The following NEDD4 variants were observed in gnomAD, a reference collection of about 807,000 sequenced individuals.
NEDD4 encodes NEDD4 E3 ubiquitin protein ligase, also known as E3 ubiquitin-protein ligase NEDD4.
NEDD4 carries 99 observed loss-of-function variants against 144.9 expected under a neutral mutation model. The ratio of observed to expected loss-of-function variants is 0.68; its 90% CI spans 0.58 to 0.81. The LOEUF is 0.81. NEDD4 is among the 30% of genes least tolerant of loss of function. NEDD4 has a pLI of 0.00. For synonymous variants in NEDD4, 318 were observed against 350.6 expected (o/e 0.91, Z 1.04); for missense variants, 985 against 1,065.9 (o/e 0.92, Z 1.06).
chr15:55,867,062 T>C (rs1261861976), intron 8 of NEDD4, among the ~76,000 whole-genome samples: 1 of 152,192 alleles, frequency 6.6e-6, no homozygotes, highest in East Asian at 1.9e-4. Flanking sequence ...AACCCTAAAG[T>C]TGCAAATGGT....
At chr15:55,894,214 C>T (rs762306764) in intron 5 of NEDD4, among the ~76,000 whole-genome samples, 1 of 151,820 alleles carries the variant, frequency 6.6e-6, no homozygotes, top group South Asian at 2.1e-4. Context: ...TTCAATCAAT[C>T]CGGGATCAAA....
At chr15:55,922,018 A>G (rs1391724326) in intron 5 of NEDD4, among the ~76,000 whole-genome samples, 4 of 152,242 alleles carry the variant, frequency 2.6e-5, no homozygotes, top group African/African-American at 9.6e-5. Context: ...CAAAATTCAC[A>G]TCGGTATCAG....
At chr15:55,916,182 G>C in intron 5 of NEDD4, 1 of 1,613,848 alleles carries the variant, frequency 6.2e-7, no homozygotes, top group Non-Finnish European at 8.5e-7. Context: ...ATTCCTGTTT[G>C]GCACACTTCT....
chr15:55,891,310 T>G (rs1207001437), intron 5 of NEDD4, among the ~76,000 whole-genome samples: 2 of 152,184 alleles, frequency 1.3e-5, no homozygotes, highest in African/African-American at 4.8e-5. Context: ...CAGAAGAAGA[T>G]GGAGAATCTG....
chr15:55,940,555 C>CTCTCTCT (rs2036982662), intron 4 of NEDD4, among the ~76,000 whole-genome samples: 9 of 121,028 alleles, frequency 7.4e-5, no homozygotes, highest in African/African-American at 2.4e-4. Context: ...TGCCTCTCTG[C>CTCTCTCT]CTCTCTCTGT....
intron 2 of NEDD4, among the ~76,000 whole-genome samples, chr15:55,954,487 A>C (rs919282701): frequency 2.0e-5 from 3 of 152,146 alleles, no homozygotes; most frequent in Non-Finnish European, 4.4e-5. Flanking sequence ...AGCTAAACAA[A>C]TACACTTGAA....
chr15:55,875,731 G>A (rs988552271), intron 5 of NEDD4, among the ~76,000 whole-genome samples: 2 of 152,024 alleles, frequency 1.3e-5, no homozygotes, highest in Admixed American at 1.3e-4. Flanking sequence ...AAGATATAGA[G>A]ACAGAATTTA....
At position 55,872,526 on chromosome 15, in the gene NEDD4, T is replaced by A. The variant is rs748059797; in HGVS notation, c.343-50A>T. 9.5e-6 allele frequency: 8 copies of A among 838,844 alleles called. No homozygotes were observed. The African/African-American group carries it at 1.3e-4, about 13-fold the overall frequency. The allele number at this position is 838,844 out of a possible 1,614,324, so 52.0% of individuals were successfully genotyped here. On this transcript the variant is annotated intron_variant, in intron 6 of 28. Coordinates refer to ENST00000435532, the MANE Select transcript of NEDD4 (RefSeq NM_006154.4). Reference sequence around the variant, plus strand: ...AAATATATCTATAACACCAAAAGCATGTACTTTTCAAGAATACTCATGAAC... The same window carrying A: ...AAATATATCTATAACACCAAAAGCAAGTACTTTTCAAGAATACTCATGAAC...
intron 1 of NEDD4, 87 bp downstream of exon 1, chr15:55,993,424 G>T (rs1455903598): frequency 6.6e-6 from 10 of 1,507,236 alleles, no homozygotes; most frequent in Admixed American, 5.6e-5. Context: ...CAGAGCCTCC[G>T]GTCGTGGCCG....
chr15:55,990,800 A>G (rs192604775), intron 1 of NEDD4, among the ~76,000 whole-genome samples: 8 of 152,304 alleles, frequency 5.3e-5, no homozygotes, highest in South Asian at 2.1e-4. Context: ...CTGCTCTCCA[A>G]TAAAGATCAG....
chr15:55,970,931 A>C (rs1456061107), intron 1 of NEDD4, among the ~76,000 whole-genome samples: 1 of 152,200 alleles, frequency 6.6e-6, no homozygotes, highest in Non-Finnish European at 1.5e-5. Flanking sequence ...TGATCTCACC[A>C]AACAAACTAA....
chr15:55,926,148 A>G (rs1181585431), intron 4 of NEDD4, among the ~76,000 whole-genome samples: 2 of 151,814 alleles, frequency 1.3e-5, no homozygotes, highest in Admixed American at 6.6e-5. Flanking sequence ...GATATTGAAT[A>G]CTCTGTTCTA....
intron 11 of NEDD4, among the ~76,000 whole-genome samples, chr15:55,858,494 G>T (rs1245278273): frequency 1.3e-5 from 2 of 152,086 alleles, no homozygotes; most frequent in Non-Finnish European, 2.9e-5. Context: ...TTTTAGTAGT[G>T]ACAAGGTTTC....
At chr15:55,949,782 C>T (rs1377466695) in intron 4 of NEDD4, among the ~76,000 whole-genome samples, 3 of 151,714 alleles carry the variant, frequency 2.0e-5, no homozygotes, top group Non-Finnish European at 2.9e-5. Context: ...AGGGGTACGT[C>T]ACACACTGGG....
At chr15:55,948,068 A>C (rs1471558925) in intron 4 of NEDD4, among the ~76,000 whole-genome samples, 3 of 152,248 alleles carry the variant, frequency 2.0e-5, no homozygotes, top group Non-Finnish European at 2.9e-5. Flanking sequence ...GTCTCAGCCC[A>C]AAATCTCCTT....
intron 5 of NEDD4, among the ~76,000 whole-genome samples, chr15:55,876,159 C>A (rs1172338545): frequency 1.3e-5 from 2 of 152,040 alleles, no homozygotes; most frequent in African/African-American, 4.8e-5. Flanking sequence ...CAAAAACTAT[C>A]CATAAAAAAG....
chr15:55,863,731 C>T (rs913569102), intron 8 of NEDD4, among the ~76,000 whole-genome samples: 1 of 152,112 alleles, frequency 6.6e-6, no homozygotes, highest in African/African-American at 2.4e-5. Flanking sequence ...GAATGAAGGG[C>T]AAGGATTATT....
intron 5 of NEDD4, among the ~76,000 whole-genome samples, chr15:55,886,859 A>G (rs1422996559): frequency 2.0e-5 from 3 of 152,162 alleles, no homozygotes; most frequent in African/African-American, 7.2e-5. Context: ...AATGATACAA[A>G]AACATCGAAA....
intron 2 of NEDD4, among the ~76,000 whole-genome samples, chr15:55,961,465 G>GTATTATTAT (rs58665877): frequency 7.3e-5 from 11 of 150,842 alleles, no homozygotes; most frequent in East Asian, 3.9e-4. Context: ...TAAGTTTGTG[G>GTATTATTAT]TATTATTATT....
Sources: gnomAD v4.1 joint callset for allele counts (sites outside exome capture counted in the v4.1 genomes callset) on GRCh38, gnomAD v4.1.1 for gene constraint, MANE v1.5 for transcripts, NCBI Gene and HGNC (gene_info 2026-07-23, HGNC 2026-07-21) for gene names.